USP17L7: variants seen among roughly 807,000 people sequenced by gnomAD.
The protein encoded by USP17L7 is inactive ubiquitin carboxyl-terminal hydrolase 17-like protein 7.
In USP17L7, 53 loss-of-function variants were observed where a neutral mutation model predicts 37.6. That is an observed-to-expected ratio of 1.41 (90% CI 1.13 to 1.77). The LOEUF is 1.77. Among genes scored for constraint, USP17L7 ranks in the 40% most tolerant of loss-of-function variants. USP17L7 has a pLI of 0.00. For missense variants in USP17L7, 914 were observed against 645.0 expected (o/e 1.42, Z -4.52); for synonymous variants, 330 against 251.0 (o/e 1.31, Z -2.98).
rs1802988647 is a variant in USP17L7, at chr8:12,132,942, G to A, written c.1068C>T (p.Ala356=). 2 of 1,530,566 alleles carry A rather than the reference G, an allele frequency of 1.3e-6. No homozygotes were observed. Among genetic ancestry groups the A allele is most frequent in the Admixed American group, 1.7e-5 (1 of 57,260 alleles). The allele number at this position is 1,530,566 out of a possible 1,614,324, so 94.8% of individuals were successfully genotyped here. ...GACTCAGGACAGAGGTGATGCCAGA[G>A]GCAGTGACCTCGGCATCATCCATTT... ...WYKMDDAEVT[A]SGITSVLSQQ... is the part of the protein sequence containing the mutation. Residue 356 remains alanine, a synonymous_variant, in exon 1 of 1, where the codon GCC becomes GCT. Transcript: ENST00000530447.
At position 12,133,587 on chromosome 8, in the gene USP17L7, A is replaced by T; in HGVS notation, c.423T>A (p.His141Gln). The change falls in exon 1 of 1, where the codon CAT (histidine) becomes CAA (glutamine). Residue 141 changes from histidine to glutamine, a missense_variant. By Grantham distance (24) the His-to-Gln change is conservative (BLOSUM62 0). Coordinates refer to ENST00000530447, the MANE Select transcript of USP17L7 (RefSeq NM_001256869.2). ...CCAATACCTGTGAGGGCTGGATGAC[A>T]TGGCCAGGACTGTGGAGGGCCCATG... Reference protein sequence around the residue: ...HITWALHSPGHVIQPSQVLAA... With the variant: ...HITWALHSPGQVIQPSQVLAA... 2 of 1,336,266 alleles carry T rather than the reference A, an allele frequency of 1.5e-6. No homozygotes were observed. Among genetic ancestry groups the T allele is most frequent in the Non-Finnish European group, 2.1e-6 (2 of 953,264 alleles). 82.8% of individuals were successfully genotyped at this position (1,336,266 alleles called of 1,614,324 possible).
In USP17L7 at chr8:12,133,597, C is replaced by G. The variant is rs146951254; in HGVS notation, c.413G>C (p.Ser138Thr). The G allele has an allele frequency of 7.7e-7, 1 of 1,302,642 alleles. No individual in the cohort carries two copies. The highest frequency in any genetic ancestry group is 1.1e-6 in the Non-Finnish European group (1 of 922,726). 80.7% of individuals were successfully genotyped at this position (1,302,642 alleles called of 1,614,324 possible). Residue 138 changes from serine to threonine, a missense_variant, in exon 1 of 1, where the codon AGT becomes ACT. Transcript: ENST00000530447. ...MQAHITWALH[S>T]PGHVIQPSQV... ...TGAGGGCTGGATGACATGGCCAGGA[C>G]TGTGGAGGGCCCATGTGATGTGAGC...
Position 12,132,519 on chromosome 8 carries a change from C to T in USP17L7, c.1491G>A (p.Gln497=). 1 of 1,500,896 alleles carries T rather than the reference C, an allele frequency of 6.7e-7. No homozygotes were observed. The highest frequency in any genetic ancestry group is 9.1e-7 in the Non-Finnish European group (1 of 1,102,098). The allele number at this position is 1,500,896 out of a possible 1,614,324, so 93.0% of individuals were successfully genotyped here. A position where few individuals can be genotyped will look rare whatever the true frequency, so the allele number is the denominator to read the frequency against. Residue 497 remains glutamine, a synonymous_variant, in exon 1 of 1, where the codon CAG becomes CAA. Transcript: ENST00000530447. ...LNLSSTKPTD[Q]ESMNTGTLAS... Reference sequence around the variant, plus strand: ...CGAGTGTGCCAGTGTTCATGGACTCCTGATCTGTCGGTTTCGTCGAAGAGA... The same window carrying T: ...CGAGTGTGCCAGTGTTCATGGACTCTTGATCTGTCGGTTTCGTCGAAGAGA...
chr8:12,133,180 A>C lies in USP17L7; in HGVS notation c.830T>G (p.Ile277Ser), dbSNP rs759775079. ...ATCGGAGAATCTCTTCAATACAAGA[A>C]TGAGGACCTTGGCAGAAGTGGGTAA... ...LTLPTSAKVL[I>S]LVLKRFSDVT... is the part of the protein sequence containing the mutation. The change falls in exon 1 of 1, where the codon ATT (isoleucine) becomes AGT (serine). Residue 277 changes from isoleucine (I) to serine (S), a missense_variant. Ile to Ser is a moderately radical substitution (Grantham distance 142). Transcript: ENST00000530447. The C allele has an allele frequency of 4.6e-6, 7 of 1,511,436 alleles. No homozygotes were observed. Among genetic ancestry groups the C allele is most frequent in the Non-Finnish European group, 4.5e-6 (5 of 1,110,674 alleles). 93.6% of individuals were successfully genotyped at this position (1,511,436 alleles called of 1,614,324 possible). A position where few individuals can be genotyped will look rare whatever the true frequency, so the allele number is the denominator to read the frequency against.
Position 12,133,685 on chromosome 8 carries a change from G to A in USP17L7, c.325C>T (p.Leu109=), listed in dbSNP as rs748209827. The A allele has an allele frequency of 2.4e-6, 3 of 1,257,334 alleles. No homozygotes were observed. The highest frequency in any genetic ancestry group is 3.5e-5 in the Admixed American group (2 of 56,868). The allele number at this position is 1,257,334 out of a possible 1,614,324, so 77.9% of individuals were successfully genotyped here. Residue 109 remains leucine (L), a synonymous_variant, in exon 1 of 1, where the codon CTG becomes TTG. Transcript: ENST00000530447. The stretch of plus-strand genomic sequence containing the variant: ...CACGTTTGAGAGTCCTCCCGGGACA[G>A]CATGTAGTTGGAAAGCGGCAGTGTG... ...TYTLPLSNYM[L]SREDSQTCHL...
chr8:12,133,654 A>T lies in USP17L7; in HGVS notation c.356T>A (p.Leu119His). ...AGTACAGAACATGCAGCACTTGTGA[A>T]GATGACACGTTTGAGAGTCCTCCCG... ...LSREDSQTCHLHKCCMFCTMQ... is the reference protein window; with the variant it reads ...LSREDSQTCHHHKCCMFCTMQ... Residue 119 changes from leucine to histidine, a missense_variant, in exon 1 of 1, where the codon CTT (leucine) becomes CAT (histidine). Transcript: ENST00000530447. 5 of 1,230,348 alleles carry T rather than the reference A, an allele frequency of 4.1e-6. No individual in the cohort carries two copies. The highest frequency in any genetic ancestry group is 3.5e-6 in the Non-Finnish European group (3 of 855,866). The allele number at this position is 1,230,348 out of a possible 1,614,324, so 76.2% of individuals were successfully genotyped here.
In USP17L7 at chr8:12,133,769, C is replaced by T. The variant is rs750382127; in HGVS notation, c.241G>A (p.Gly81Arg). The T allele has an allele frequency of 2.0e-6, 3 of 1,481,652 alleles. No individual in the cohort carries two copies. Among genetic ancestry groups the T allele is most frequent in the Non-Finnish European group, 2.8e-6 (3 of 1,084,416 alleles). The allele number at this position is 1,481,652 out of a possible 1,614,324, so 91.8% of individuals were successfully genotyped here. The change falls in exon 1 of 1, where the codon GGG (glycine) becomes AGG (arginine). Residue 81 changes from glycine to arginine, a missense_variant. Transcript: ENST00000530447. ...SSRRPAAVGA[G>R]LQKIGNTFYV... ...AAGGTATTTCCTATCTTCTGGAGCC[C>T]AGCCCCCACCGCAGCAGGTCTCCTG...
At position 12,133,940 on chromosome 8, in the gene USP17L7, GAGA is replaced by G; in HGVS notation, c.67_69del (p.Ser23del). ...ATTTCAGCAAAAGCTGCATCTAGCCGAGAAGATGTGAGTTTTGAAAAGTGATTG... is the reference window on the plus strand; with the variant it reads ...ATTTCAGCAAAAGCTGCATCTAGCCGAGATGTGAGTTTTGAAAAGTGATTG... On this transcript the variant is annotated inframe_deletion, in exon 1 of 1. Coordinates refer to ENST00000530447, the MANE Select transcript of USP17L7 (RefSeq NM_001256869.2). 1 of 1,358,040 alleles carries G rather than the reference GAGA, an allele frequency of 7.4e-7. No homozygotes were observed. The highest frequency in any genetic ancestry group is 1.0e-6 in the Non-Finnish European group (1 of 975,768). The allele number at this position is 1,358,040 out of a possible 1,614,324, so 84.1% of individuals were successfully genotyped here. A position where few individuals can be genotyped will look rare whatever the true frequency, so the allele number is the denominator to read the frequency against.
In USP17L7 at chr8:12,133,634, A is replaced by G. The variant is rs767401621; in HGVS notation, c.376T>C (p.Cys126Arg). The G allele has an allele frequency of 1.9e-4, 232 of 1,225,482 alleles. 14 individuals are homozygous for G. The highest frequency in any genetic ancestry group is 2.5e-4 in the Non-Finnish European group (213 of 851,302). 75.9% of individuals were successfully genotyped at this position (1,225,482 alleles called of 1,614,324 possible). Residue 126 changes from cysteine (C) to arginine (R), a missense_variant, in exon 1 of 1, where the codon TGT (cysteine) becomes CGT (arginine). Transcript: ENST00000530447. ...TCHLHKCCMF[C>R]TMQAHITWAL... ...CATGTGATGTGAGCTTGCATAGTAC[A>G]GAACATGCAGCACTTGTGAAGATGA...
Position 12,133,948 on chromosome 8 carries a change from G to C in USP17L7, c.62C>G (p.Thr21Arg), listed in dbSNP as rs1434688884. ...AAAAGCTGCATCTAGCCGAGAAGAT[G>C]TGAGTTTTGAAAAGTGATTGAACTG... ...DWQFNHFSKLTSSRLDAAFAE... is the reference protein window; with the variant it reads ...DWQFNHFSKLRSSRLDAAFAE... The change falls in exon 1 of 1, where the codon ACA (threonine) becomes AGA (arginine). Residue 21 changes from threonine (T) to arginine (R), a missense_variant. Coordinates refer to ENST00000530447, the MANE Select transcript of USP17L7 (RefSeq NM_001256869.2). The C allele has an allele frequency of 2.2e-6, 3 of 1,349,778 alleles. 1 individual carries two copies. The highest frequency in any genetic ancestry group is 3.1e-6 in the Non-Finnish European group (3 of 966,910). The allele number at this position is 1,349,778 out of a possible 1,614,324, so 83.6% of individuals were successfully genotyped here.
chr8:12,133,876 G>T lies in USP17L7; in HGVS notation c.134C>A (p.Ser45Tyr). 6.6e-7 allele frequency: 1 copy of T among 1,513,846 alleles called. No individual in the cohort carries two copies. Among genetic ancestry groups the T allele is most frequent in the Non-Finnish European group, 9.0e-7 (1 of 1,113,262 alleles). 93.8% of individuals were successfully genotyped at this position (1,513,846 alleles called of 1,614,324 possible). The change falls in exon 1 of 1, where the codon TCT (serine) becomes TAT (tyrosine). Residue 45 changes from serine to tyrosine, a missense_variant. By Grantham distance (144) the Ser-to-Tyr change is moderately radical (BLOSUM62 -2). Coordinates refer to ENST00000530447, the MANE Select transcript of USP17L7 (RefSeq NM_001256869.2). ...ATCACAGAGGTCGAAACGGGTCTCA[G>T]ATGAGAGTGGTGACTTTTCAGAGAG... ...TSLSEKSPLS[S>Y]ETRFDLCDDL...
Position 12,133,911 on chromosome 8 carries a change from C to T in USP17L7, c.99G>A (p.Gln33=). The change falls in exon 1 of 1, where the codon CAG becomes CAA. Residue 33 remains glutamine, a synonymous_variant. Coordinates refer to ENST00000530447, the MANE Select transcript of USP17L7 (RefSeq NM_001256869.2). ...SRLDAAFAEI[Q]RTSLSEKSPL... is the part of the protein sequence containing the mutation. ...GTGACTTTTCAGAGAGAGAAGTCCG[C>T]TGGATTTCAGCAAAAGCTGCATCTA... The T allele has an allele frequency of 1.4e-6, 2 of 1,466,934 alleles. No individual in the cohort carries two copies. The highest frequency in any genetic ancestry group is 1.9e-6 in the Non-Finnish European group (2 of 1,071,934). 90.9% of individuals were successfully genotyped at this position (1,466,934 alleles called of 1,614,324 possible).
Position 12,133,723 on chromosome 8 carries a change from T to A in USP17L7, c.287A>T (p.Gln96Leu), listed in dbSNP as rs1803052779. Residue 96 changes from glutamine (Q) to leucine (L), a missense_variant, in exon 1 of 1, where the codon CAG becomes CTG. Physicochemically the swap from Gln to Leu is moderately radical, Grantham distance 113 (BLOSUM62 -2). Transcript: ENST00000530447. The stretch of plus-strand genomic sequence containing the variant: ...AAGCGGCAGTGTGTATGTCAGGCAC[T>A]GCAGGGAAACGTTCACATAGAAGGT... Reference protein sequence around the residue: ...GNTFYVNVSLQCLTYTLPLSN... With the variant: ...GNTFYVNVSLLCLTYTLPLSN... 1 of 1,353,180 alleles carries A rather than the reference T, an allele frequency of 7.4e-7. No individual in the cohort carries two copies. The highest frequency in any genetic ancestry group is 1.0e-6 in the Non-Finnish European group (1 of 967,940). 83.8% of individuals were successfully genotyped at this position (1,353,180 alleles called of 1,614,324 possible).
rs763140876 is a variant in USP17L7 at position 12,132,781 on chromosome 8, C to A, written c.1229G>T (p.Arg410Ile). 1 of 1,519,792 alleles carries A rather than the reference C, an allele frequency of 6.6e-7. No homozygotes were observed. The highest frequency in any genetic ancestry group is 9.0e-7 in the Non-Finnish European group (1 of 1,116,784). 94.1% of individuals were successfully genotyped at this position (1,519,792 alleles called of 1,614,324 possible). The change falls in exon 1 of 1, where the codon AGA (arginine) becomes ATA (isoleucine). Residue 410 changes from arginine to isoleucine, a missense_variant. Arg to Ile is a moderately conservative substitution (Grantham distance 97). Coordinates refer to ENST00000530447, the MANE Select transcript of USP17L7 (RefSeq NM_001256869.2). ...GGGTACCTGGAGGCAAGGGTGGTCT[C>A]TCTTGAGCTCTCCTTGCGTTGCTGG... ...DRPATQGELK[R>I]DHPCLQVPEL...
rs1411485626 is a variant in USP17L7 at position 12,133,298 on chromosome 8, C to A, written c.712G>T (p.Glu238Ter). ...AGTTCTTTGGGCTTCACCAACTGTT[C>A]CAAAGCTTGCTTGACACTCTGAGCT... ...QAAQSVKQALEQLVKPKELNG... is the reference protein window; with the variant it reads ...QAAQSVKQAL The change falls in exon 1 of 1, where the codon GAA becomes TAA. Residue 238 changes from glutamate (E) to a stop codon, truncating the protein, a stop_gained. Coordinates refer to ENST00000530447, the MANE Select transcript of USP17L7 (RefSeq NM_001256869.2). LOFTEE classifies it high-confidence loss of function. 6.6e-7 allele frequency: 1 copy of A among 1,517,032 alleles called. No individual in the cohort carries two copies. The highest frequency in any genetic ancestry group is 8.9e-7 in the Non-Finnish European group (1 of 1,120,920). 94.0% of individuals were successfully genotyped at this position (1,517,032 alleles called of 1,614,324 possible).
At position 12,133,684 on chromosome 8, in the gene USP17L7, A is replaced by G; in HGVS notation, c.326T>C (p.Leu109Pro). ...ACACGTTTGAGAGTCCTCCCGGGAC[A>G]GCATGTAGTTGGAAAGCGGCAGTGT... ...TYTLPLSNYM[L>P]SREDSQTCHL... is the part of the protein sequence containing the mutation. The change falls in exon 1 of 1, where the codon CTG becomes CCG. Residue 109 changes from leucine (L) to proline (P), a missense_variant. Leu to Pro is a moderately conservative substitution (Grantham distance 98). Coordinates refer to ENST00000530447, the MANE Select transcript of USP17L7 (RefSeq NM_001256869.2). 1 of 1,257,628 alleles carries G rather than the reference A, an allele frequency of 8.0e-7. No individual in the cohort carries two copies. The highest frequency in any genetic ancestry group is 1.1e-6 in the Non-Finnish European group (1 of 880,622). The allele number at this position is 1,257,628 out of a possible 1,614,324, so 77.9% of individuals were successfully genotyped here. A position where few individuals can be genotyped will look rare whatever the true frequency, so the allele number is the denominator to read the frequency against.
At position 12,133,263 on chromosome 8, in the gene USP17L7, C is replaced by A. The variant is rs1228439257; in HGVS notation, c.747G>T (p.Glu249Asp). ...QLVKPKELNG[E>D]NAYHCGLCLQ... ...GACAAAGACCACAATGATAGGCATT[C>A]TCTCCATTGAGTTCTTTGGGCTTCA... The change falls in exon 1 of 1, where the codon GAG (glutamate) becomes GAT (aspartate). Residue 249 changes from glutamate to aspartate, a missense_variant. By Grantham distance (45) the Glu-to-Asp change is conservative (BLOSUM62 2). Transcript: ENST00000530447. 1.3e-6 allele frequency: 2 copies of A among 1,515,816 alleles called. No homozygotes were observed. Among genetic ancestry groups the A allele is most frequent in the Non-Finnish European group, 8.9e-7 (1 of 1,118,316 alleles). The allele number at this position is 1,515,816 out of a possible 1,614,324, so 93.9% of individuals were successfully genotyped here. A position where few individuals can be genotyped will look rare whatever the true frequency, so the allele number is the denominator to read the frequency against.
At position 12,132,848 on chromosome 8, in the gene USP17L7, C is replaced by G. The variant is rs570065479; in HGVS notation, c.1162G>C (p.Gly388Arg). 7 of 1,504,516 alleles carry G rather than the reference C, an allele frequency of 4.7e-6. 1 individual carries two copies. The African/African-American group carries it at 9.8e-5, about 21-fold the overall frequency. The allele number at this position is 1,504,516 out of a possible 1,614,324, so 93.2% of individuals were successfully genotyped here. A position where few individuals can be genotyped will look rare whatever the true frequency, so the allele number is the denominator to read the frequency against. Residue 388 changes from glycine (G) to arginine (R), a missense_variant, in exon 1 of 1, where the codon GGC becomes CGC. Physicochemically the swap from Gly to Arg is moderately radical, Grantham distance 125. Coordinates refer to ENST00000530447, the MANE Select transcript of USP17L7 (RefSeq NM_001256869.2). ...WERHSESVSR[G>R]REPRALGAED... is the part of the protein sequence containing the mutation. ...GCACCAAGGGCTCTTGGTTCCCTGCCTCTTGACACACTCTCACTGTGTCTT... is the reference window on the plus strand; with the variant it reads ...GCACCAAGGGCTCTTGGTTCCCTGCGTCTTGACACACTCTCACTGTGTCTT...
Position 12,132,643 on chromosome 8 carries a change from T to G in USP17L7, c.1367A>C (p.Glu456Ala). Reference sequence around the variant, plus strand: ...AAGTACGTTGGGAGGCAGGGTACCTTCAACTTTTCTGACGTTGAACTCAGG... The same window carrying G: ...AAGTACGTTGGGAGGCAGGGTACCTGCAACTTTTCTGACGTTGAACTCAGG... Reference protein sequence around the residue: ...TKPEFNVRKVEGTLPPNVLVI... With the variant: ...TKPEFNVRKVAGTLPPNVLVI... Residue 456 changes from glutamate to alanine, a missense_variant, in exon 1 of 1, where the codon GAA (glutamate) becomes GCA (alanine). Transcript: ENST00000530447. The G allele has an allele frequency of 6.5e-7, 1 of 1,538,982 alleles. No individual in the cohort carries two copies. The highest frequency in any genetic ancestry group is 8.8e-7 in the Non-Finnish European group (1 of 1,134,918).
Sources: gnomAD v4.1 joint callset for allele counts on GRCh38, gnomAD v4.1.1 for gene constraint, MANE v1.5 for transcripts, NCBI Gene and HGNC (gene_info 2026-07-23, HGNC 2026-07-21) for gene names.